The following CCDC146 variants were observed in gnomAD, a reference collection of about 807,000 sequenced individuals.
The protein encoded by CCDC146 is coiled-coil domain-containing protein 146.
CCDC146 carries 92 observed loss-of-function variants against 119.3 expected under a neutral mutation model. The observed-to-expected ratio is 0.77, with a 90% confidence interval of 0.65 to 0.92. The LOEUF (loss-of-function observed/expected upper bound fraction) is 0.92, where lower values mean the gene tolerates loss of function less well. Ranked by LOEUF, CCDC146 falls within the 40% of genes least tolerant of loss-of-function variation. CCDC146 has a pLI of 0.00. For synonymous variants in CCDC146, 372 were observed against 371.8 expected (o/e 1.00, Z -0.01); for missense variants, 1,000 against 1,103.0 (o/e 0.91, Z 1.32).
rs140612307 is a variant in CCDC146, at chr7:77,226,528, A to T, written c.157-10419A>T. On this transcript the variant is annotated intron_variant, in intron 2 of 18. Coordinates refer to ENST00000285871, the MANE Select transcript of CCDC146 (RefSeq NM_020879.3). ...TTTCCATTTTTGAAATTTTTTCCAT[A>T]TTGTTACATGTCATCCATGAATCAT... is the stretch of plus-strand genomic sequence containing the variant. 1.7e-4 allele frequency among the ~76,000 whole-genome samples: 26 copies of T among 152,298 alleles called. No individual in the cohort carries two copies. The East Asian group carries it at 4.6e-3, about 27-fold the overall frequency.
At chr7:77,163,717 G>T (rs1330528408) in intron 1 of CCDC146, among the ~76,000 whole-genome samples, 1 of 152,064 alleles carries the variant, frequency 6.6e-6, no homozygotes, top group African/African-American at 2.4e-5. Context: ...GAGTTCAGAG[G>T]GGAAGTGGAA....
At position 77,274,475 on chromosome 7, in the gene CCDC146, TC is replaced by T. The variant is rs2150534543; in HGVS notation, c.1270-6del. ...CTTATAATATTATCTGTGTTTTTTTTCAAAAGAAAATTATATCAGAAATGGA... is the reference window on the plus strand; with the variant it reads ...CTTATAATATTATCTGTGTTTTTTTTAAAAGAAAATTATATCAGAAATGGA... On this transcript the variant is annotated splice_polypyrimidine_tract_variant and splice_region_variant and intron_variant, in intron 10 of 18. Coordinates refer to ENST00000285871, the MANE Select transcript of CCDC146 (RefSeq NM_020879.3). 2.0e-6 allele frequency: 3 copies of T among 1,508,130 alleles called. No homozygotes were observed. Among genetic ancestry groups the T allele is most frequent in the Non-Finnish European group, 2.7e-6 (3 of 1,122,676 alleles). The allele number at this position is 1,508,130 out of a possible 1,614,324, so 93.4% of individuals were successfully genotyped here.
intron 2 of CCDC146, among the ~76,000 whole-genome samples, chr7:77,221,151 C>T (rs1792396443): frequency 6.6e-6 from 1 of 152,166 alleles, no homozygotes; most frequent in South Asian, 2.1e-4. Context: ...CTATACCATT[C>T]ATAAAGGATC....
At chr7:77,189,943 G>A (rs868671100) in intron 2 of CCDC146, among the ~76,000 whole-genome samples, 1 of 151,898 alleles carries the variant, frequency 6.6e-6, no homozygotes, top group South Asian at 2.1e-4. Context: ...ATTTTTAATG[G>A]TATTTATCAT....
At chr7:77,248,569 C>T (rs1792998253) in intron 4 of CCDC146, among the ~76,000 whole-genome samples, 1 of 152,170 alleles carries the variant, frequency 6.6e-6, no homozygotes, top group African/African-American at 2.4e-5. Flanking sequence ...GTGATCAATA[C>T]AAACTTTAAA....
At chr7:77,194,899 A>T (rs1040716364) in intron 2 of CCDC146, 24 of 152,172 alleles carry the variant, frequency 1.6e-4, no homozygotes, top group Admixed American at 1.6e-3. Context: ...TTGATGAATT[A>T]TAAAAATTAC....
At chr7:77,134,604 G>A (rs543036854) in intron 1 of CCDC146, among the ~76,000 whole-genome samples, 1 of 146,972 alleles carries the variant, frequency 6.8e-6, no homozygotes, top group African/African-American at 2.6e-5. Context: ...TGTGTCTATG[G>A]GGTATGCATG....
chr7:77,292,370 C>G (rs1390472591), intron 17 of CCDC146, among the ~76,000 whole-genome samples: 41 of 148,156 alleles, frequency 2.8e-4, no homozygotes, highest in Admixed American at 2.8e-3. Flanking sequence ...AATCCCAGCA[C>G]TTAGGGAGGC....
chr7:77,207,286 G>T (rs1792098546), intron 2 of CCDC146, among the ~76,000 whole-genome samples: 1 of 152,040 alleles, frequency 6.6e-6, no homozygotes, highest in Non-Finnish European at 1.5e-5. Flanking sequence ...TATGATTAAA[G>T]ACATTTTCTG....
chr7:77,265,387 T>A (rs1341397900), intron 9 of CCDC146, among the ~76,000 whole-genome samples: 1 of 152,244 alleles, frequency 6.6e-6, no homozygotes, highest in East Asian at 1.9e-4. Context: ...GTTATGGTAG[T>A]AAGTAAAGTT....
chr7:77,264,762 G>C (rs192926242), intron 9 of CCDC146, among the ~76,000 whole-genome samples: 2 of 152,122 alleles, frequency 1.3e-5, no homozygotes. Flanking sequence ...TCCGCTTCAT[G>C]TTCCATTTTC....
chr7:77,187,798 A>C (rs900242586), intron 2 of CCDC146, among the ~76,000 whole-genome samples: 17 of 152,208 alleles, frequency 1.1e-4, no homozygotes, highest in Admixed American at 1.1e-3. Context: ...CAAACCACCT[A>C]AAATTAAATA....
At chr7:77,187,725 T>C (rs1791693200) in intron 2 of CCDC146, among the ~76,000 whole-genome samples, 1 of 152,230 alleles carries the variant, frequency 6.6e-6, no homozygotes, top group South Asian at 2.1e-4. Context: ...ACTATCACTA[T>C]GACTATTGGG....
At chr7:77,246,490 G>C (rs1792954188) in intron 4 of CCDC146, 1 of 152,168 alleles carries the variant, frequency 6.6e-6, no homozygotes, top group Non-Finnish European at 1.5e-5. Context: ...CAGGAAAGCT[G>C]AAAAATGTCA....
chr7:77,130,844 G>T (rs1266273600), intron 1 of CCDC146, among the ~76,000 whole-genome samples: 1 of 149,292 alleles, frequency 6.7e-6, no homozygotes, highest in Non-Finnish European at 1.5e-5. Context: ...TGATCCGCCC[G>T]TCTGGGCCTC....
chr7:77,168,662 A>C (rs1387833518), intron 2 of CCDC146, among the ~76,000 whole-genome samples: 2 of 152,138 alleles, frequency 1.3e-5, no homozygotes, highest in Non-Finnish European at 2.9e-5. Flanking sequence ...TAAATTGTTC[A>C]CTTTTTCTAC....
At chr7:77,191,606 C>G (rs1010135085) in intron 2 of CCDC146, among the ~76,000 whole-genome samples, 2 of 152,164 alleles carry the variant, frequency 1.3e-5, no homozygotes, top group Non-Finnish European at 1.5e-5. Context: ...AGAACTCTGC[C>G]TATAAGAGAT....
Position 77,133,855 on chromosome 7 carries a change from TCA to T in CCDC146, c.-12+11132_-12+11133del, listed in dbSNP as rs774835301. On this transcript the variant is annotated intron_variant, in intron 1 of 18. Coordinates refer to ENST00000285871, the MANE Select transcript of CCDC146 (RefSeq NM_020879.3). The stretch of plus-strand genomic sequence containing the variant: ...CACACACACACACACACACACACAC[TCA>T]CACACACATATATGCTTCTATATGA... Among the ~76,000 whole-genome samples the T allele has an allele frequency of 3.2e-3, 373 of 117,204 alleles. 4 individuals carry two copies. Among genetic ancestry groups the T allele is most frequent in the African/African-American group, 9.9e-3 (352 of 35,678 alleles). 76.9% of individuals were successfully genotyped at this position (117,204 alleles called of 152,430 possible). A position where few individuals can be genotyped will look rare whatever the true frequency, so the allele number is the denominator to read the frequency against.
chr7:77,273,008 A>G (rs1354100260), intron 9 of CCDC146, among the ~76,000 whole-genome samples: 1 of 152,186 alleles, frequency 6.6e-6, no homozygotes, highest in African/African-American at 2.4e-5. Flanking sequence ...AATTTCATAA[A>G]TGTACTCACA....
Sources: gnomAD v4.1 joint callset for allele counts (sites outside exome capture counted in the v4.1 genomes callset) on GRCh38, gnomAD v4.1.1 for gene constraint, MANE v1.5 for transcripts, NCBI Gene and HGNC (gene_info 2026-07-23, HGNC 2026-07-21) for gene names.